The following DNAH2 variants were observed in gnomAD, a reference collection of about 807,000 sequenced individuals.
DNAH2 encodes axonemal beta dynein heavy chain 2.
DNAH2 carries 323 observed loss-of-function variants against 523.5 expected under a neutral mutation model. The ratio of observed to expected loss-of-function variants is 0.62; its 90% CI spans 0.56 to 0.68. The LOEUF is 0.68. Ranked by LOEUF, DNAH2 falls within the 30% of genes least tolerant of loss-of-function variation. The pLI is 0.00. For synonymous variants in DNAH2, 2,093 were observed against 2,177.4 expected (o/e 0.96, Z 1.08); for missense variants, 4,907 against 5,701.5 (o/e 0.86, Z 4.49).
chr17:7,804,848 A>G, intron 59 of DNAH2, 110 bp from the exon 60 acceptor site: 1 of 1,017,114 alleles, frequency 9.8e-7, no homozygotes, highest in Non-Finnish European at 1.5e-6. Context: ...TCCATCTCAA[A>G]AAAAAAAAAA....
chr17:7,730,342 GACATTA>G (rs1365474905), intron 4 of DNAH2, among the ~76,000 whole-genome samples: 1 of 152,096 alleles, frequency 6.6e-6, no homozygotes, highest in Admixed American at 6.6e-5. Context: ...AAAAGCCAAG[GACATTA>G]ACACAATTAG....
In DNAH2 at chr17:7,766,360, A is replaced by G. The variant is rs1301093465; in HGVS notation, c.3554A>G (p.Gln1185Arg). 1.9e-6 allele frequency: 3 copies of G among 1,614,124 alleles called. No homozygotes were observed. The highest frequency in any genetic ancestry group is 8.5e-7 in the Non-Finnish European group (1 of 1,180,006). ...SNVGYMSALD[Q>R]ITQVRAMLMA... ...GTGGGATACATGTCTGCCTTAGACC[A>G]GATTACACAAGTGCGGGCCATGCTG... Residue 1185 changes from glutamine (Q) to arginine (R), a missense_variant, in exon 22 of 86, where the codon CAG becomes CGG. This residue lies in a region of DNAH2 where 2,806 missense variants were observed against 3,190.8 expected (regional missense o/e 0.88). Transcript: ENST00000572933.
chr17:7,733,299 C>A lies in DNAH2; in HGVS notation c.612C>A (p.Phe204Leu), dbSNP rs1410265156. ...ATTTTGCTTCTCATCTGCACAAGTTCTTGGCCTGCCTGACAGGTAAGTGGG... is the reference window on the plus strand; with the variant it reads ...ATTTTGCTTCTCATCTGCACAAGTTATTGGCCTGCCTGACAGGTAAGTGGG... ...RNHFASHLHK[F>L]LACLTDTRYK... The change falls in exon 5 of 86, where the codon TTC becomes TTA. Residue 204 changes from phenylalanine (F) to leucine (L), a missense_variant. This residue lies in a region of DNAH2 where 2,806 missense variants were observed against 3,190.8 expected (regional missense o/e 0.88). Transcript: ENST00000572933. 6.2e-7 allele frequency: 1 copy of A among 1,614,024 alleles called. No individual in the cohort carries two copies. The highest frequency in any genetic ancestry group is 8.5e-7 in the Non-Finnish European group (1 of 1,180,008).
chr17:7,763,240 G>C (rs1186113228), intron 18 of DNAH2, among the ~76,000 whole-genome samples: 1 of 151,902 alleles, frequency 6.6e-6, no homozygotes, highest in Admixed American at 6.6e-5. Flanking sequence ...CTTACTGCAA[G>C]CTCCGCCTCC....
At chr17:7,778,020 C>T in intron 33 of DNAH2, 57 bp from the exon 34 acceptor site, 1 of 1,478,454 alleles carries the variant, frequency 6.8e-7, no homozygotes, top group South Asian at 1.1e-5. Flanking sequence ...GTCATTGTCC[C>T]AGCTCTAACT....
rs148119230 is a variant in DNAH2, at chr17:7,786,173, C to G, written c.6179C>G (p.Thr2060Arg). ...QEIRDMGLQS[T>R]PFTLTKVFQL... ...ATTCGAGACATGGGCCTGCAAAGCA[C>G]GCCGTTCACCCTCACCAAGGTTTTC... is the stretch of plus-strand genomic sequence containing the variant. Residue 2060 changes from threonine (T) to arginine (R), a missense_variant, in exon 40 of 86, where the codon ACG becomes AGG. By Grantham distance (71) the Thr-to-Arg change is moderately conservative. This residue lies in a region of DNAH2 where 2,806 missense variants were observed against 3,190.8 expected (regional missense o/e 0.88). Transcript: ENST00000572933. The surrounding 1 kb of genome is among the most constrained non-coding windows in gnomAD (Gnocchi z 7.5). The G allele has an allele frequency of 1.7e-5, 27 of 1,613,846 alleles. No individual in the cohort carries two copies. Among genetic ancestry groups the G allele is most frequent in the Non-Finnish European group, 2.3e-5 (27 of 1,180,014 alleles).
Position 7,757,074 on chromosome 17 carries a change from G to C in DNAH2, c.1905-17G>C, listed in dbSNP as rs1236072691. The C allele has an allele frequency of 7.4e-6, 12 of 1,613,678 alleles. No homozygotes were observed. The highest frequency in any genetic ancestry group is 3.3e-5 in the Admixed American group (2 of 59,986). Reference sequence around the variant, plus strand: ...CCTCGTGCGGTCCCCTCACTGCCTGGCTGCTCTCTCTCAAAGGTCCCTTCT... The same window carrying C: ...CCTCGTGCGGTCCCCTCACTGCCTGCCTGCTCTCTCTCAAAGGTCCCTTCT... On this transcript the variant is annotated splice_polypyrimidine_tract_variant and intron_variant, in intron 12 of 85. Coordinates refer to ENST00000572933, the MANE Select transcript of DNAH2 (RefSeq NM_020877.5).
At chr17:7,757,906 C>A (rs1238901671) in intron 13 of DNAH2, among the ~76,000 whole-genome samples, 3 of 152,144 alleles carry the variant, frequency 2.0e-5, no homozygotes, top group Admixed American at 2.0e-4. Flanking sequence ...CCACTAATTC[C>A]ATTCATGAGG....
Position 7,781,176 on chromosome 17 carries a change from T to TC in DNAH2, c.6129+11dup. On this transcript the variant is annotated intron_variant, in intron 39 of 85. Coordinates refer to ENST00000572933, the MANE Select transcript of DNAH2 (RefSeq NM_020877.5). ...TCATTGACTATGGCAAGGTATTTGT[T>TC]CCTTAATACTCTCCCTGACCGGGTG... 3 of 1,614,142 alleles carry TC rather than the reference T, an allele frequency of 1.9e-6. No individual in the cohort carries two copies. The highest frequency in any genetic ancestry group is 1.1e-5 in the South Asian group (1 of 91,088).
chr17:7,825,460 G>C (rs1410958340), intron 77 of DNAH2, among the ~76,000 whole-genome samples: 2 of 152,136 alleles, frequency 1.3e-5, no homozygotes, highest in East Asian at 3.9e-4. Flanking sequence ...ATCCTCCTTG[G>C]CCACTTGGGG....
At chr17:7,753,473 G>A (rs2075746905) in intron 12 of DNAH2, among the ~76,000 whole-genome samples, 1 of 152,160 alleles carries the variant, frequency 6.6e-6, no homozygotes, top group Non-Finnish European at 1.5e-5. Flanking sequence ...GCATTGAAGG[G>A]AGCTGCAAGG....
In DNAH2 at chr17:7,821,787, C is replaced by T. The variant is rs537150686; in HGVS notation, c.11142+418C>T. ...GCTCCTCTTCCCCTCTGTCCCTGCG[C>T]GGCCAGTGCACTGAGCATGGCCGGA... On this transcript the variant is annotated intron_variant, in intron 73 of 85. Coordinates refer to ENST00000572933, the MANE Select transcript of DNAH2 (RefSeq NM_020877.5). This position sits in a 1 kb window ranked among gnomAD's most constrained non-coding sequence, Gnocchi z 5.0. Among the ~76,000 whole-genome samples, 176 of 152,264 alleles carry T rather than the reference C, an allele frequency of 1.2e-3. 1 individual carries two copies. Among genetic ancestry groups the T allele is most frequent in the Middle Eastern group, 6.8e-3 (2 of 294 alleles).
intron 49 of DNAH2, 120 bp from the exon 50 acceptor site, chr17:7,796,344 C>G: frequency 8.6e-7 from 1 of 1,163,268 alleles, no homozygotes; most frequent in Non-Finnish European, 1.2e-6. Flanking sequence ...CCACCGTGCC[C>G]GGCCCTAGGA....
chr17:7,740,067 G>GGA (rs1555539886), intron 9 of DNAH2, 129 bp downstream of exon 9: 2 of 475,850 alleles, frequency 4.2e-6, no homozygotes, highest in African/African-American at 1.4e-4. Context: ...GCGGTGGCCC[G>GGA]GGGGGGGGGA....
chr17:7,815,316 A>G (rs543240459), intron 63 of DNAH2, among the ~76,000 whole-genome samples: 1 of 152,364 alleles, frequency 6.6e-6, no homozygotes, highest in South Asian at 2.1e-4. Context: ...TCTACTTTCT[A>G]GTAGTGGAAC....
chr17:7,826,220 A>T (rs775261757), intron 77 of DNAH2, among the ~76,000 whole-genome samples: 1 of 152,214 alleles, frequency 6.6e-6, no homozygotes, highest in Non-Finnish European at 1.5e-5. Flanking sequence ...GGGTTTCACC[A>T]TGGTGGCCAG....
At chr17:7,719,503 A>G (rs1485761084) in intron 1 of DNAH2, among the ~76,000 whole-genome samples, 3 of 152,162 alleles carry the variant, frequency 2.0e-5, no homozygotes, top group African/African-American at 7.2e-5. Flanking sequence ...CAGTGCCCCG[A>G]AGACAGTAGG....
intron 52 of DNAH2, 58 bp from the exon 53 acceptor site, chr17:7,797,622 C>T: frequency 1.2e-6 from 2 of 1,613,868 alleles, no homozygotes; most frequent in Non-Finnish European, 1.7e-6. Flanking sequence ...GTGTGGAGCC[C>T]TGTGGGGGGA....
At chr17:7,727,412 G>A (rs1031258175) in intron 4 of DNAH2, 120 bp downstream of exon 4, 2 of 1,310,370 alleles carry the variant, frequency 1.5e-6, no homozygotes, top group Non-Finnish European at 2.1e-6. Flanking sequence ...GCCCCACTGT[G>A]TCAGGCACCC....
Sources: allele counts gnomAD v4.1 joint callset (sites outside exome capture counted in the v4.1 genomes callset), GRCh38; gene constraint gnomAD v4.1.1; regional missense constraint gnomAD v4.1.1; non-coding constraint Gnocchi (gnomAD v3.1); transcripts MANE v1.5; gene names NCBI Gene and HGNC (gene_info 2026-07-23, HGNC 2026-07-21).